QRICH2: variants seen among roughly 807,000 people sequenced by gnomAD.
QRICH2 encodes glutamine rich 2.
A neutral mutation model predicts 168.3 loss-of-function variants in QRICH2; 119 were observed. The observed-to-expected ratio is 0.71, with a 90% CI of 0.61 to 0.82. The LOEUF is 0.82. Among genes scored for constraint, QRICH2 ranks in the 40% least tolerant of loss-of-function variants. The pLI, the probability that QRICH2 is intolerant of heterozygous loss-of-function variation, is 0.00. For synonymous variants in QRICH2, 894 were observed against 951.2 expected (o/e 0.94, Z 1.11); for missense variants, 2,241 against 2,491.6 (o/e 0.90, Z 2.14).
In QRICH2 at chr17:76,291,411, G is replaced by A; in HGVS notation, c.3316C>T (p.His1106Tyr). Residue 1106 changes from histidine (H) to tyrosine (Y), a missense_variant, in exon 4 of 19, where the codon CAT becomes TAT. Physicochemically the swap from His to Tyr is moderately conservative, Grantham distance 83. This residue lies in a region of QRICH2 where 2,047 missense variants were observed against 2,303.8 expected (regional missense o/e 0.89). Transcript: ENST00000680821. ...CGATAACCAGGATACATTGAATCAT[G>A]ACTGTCAAAGAGAGAGAAAGCATGG... ...HGHAFSLFDS[H>Y]DSMYPGYRGP... 1 of 1,614,070 alleles carries A rather than the reference G, an allele frequency of 6.2e-7. No homozygotes were observed. The highest frequency in any genetic ancestry group is 1.1e-5 in the South Asian group (1 of 91,078).
At chr17:76,310,931 A>G (rs2071064679), upstream of QRICH2, 1 of 152,170 alleles carries the variant, frequency 6.6e-6, no homozygotes, top group Non-Finnish European at 1.5e-5. Context: ...AAAGACTAGC[A>G]AGACAACAAA....
Position 76,276,761 on chromosome 17 carries a change from C to T in QRICH2, c.5272G>A (p.Glu1758Lys). 6.2e-7 allele frequency: 1 copy of T among 1,611,740 alleles called. No homozygotes were observed. Among genetic ancestry groups the T allele is most frequent in the East Asian group, 2.2e-5 (1 of 44,886 alleles). ...EEIQIAMKHDEVDILGLDGHI... is the reference protein window; with the variant it reads ...EEIQIAMKHDKVDILGLDGHI... ...CCATCCAGGCCCAAGATGTCCACCT[C>T]ATCATGCTGTAGAAGTGAACAGATA... The change falls in exon 17 of 19, where the codon GAG becomes AAG. Residue 1758 changes from glutamate to lysine, a missense_variant. Coordinates refer to ENST00000680821, the MANE Select transcript of QRICH2 (RefSeq NM_001388453.1).
chr17:76,282,444 G>A (rs1040859167), intron 7 of QRICH2, among the ~76,000 whole-genome samples: 50 of 152,176 alleles, frequency 3.3e-4, no homozygotes, highest in African/African-American at 1.2e-3. Flanking sequence ...CCAGTTAGCC[G>A]GGCCATAAAC....
Position 76,290,079 on chromosome 17 carries a change from T to C in QRICH2, c.3713-2A>G. The C allele has an allele frequency of 3.7e-6, 6 of 1,610,024 alleles. No individual in the cohort carries two copies. Among genetic ancestry groups the C allele is most frequent in the Non-Finnish European group, 4.2e-6 (5 of 1,177,120 alleles). ...GTTCAGGAGGTATGGTCCTTTTGACTATGGAAAGCAGAAGCCTTATGATCA... is the reference window on the plus strand; with the variant it reads ...GTTCAGGAGGTATGGTCCTTTTGACCATGGAAAGCAGAAGCCTTATGATCA... On this transcript the variant is annotated splice_acceptor_variant, in intron 4 of 18. Coordinates refer to ENST00000680821, the MANE Select transcript of QRICH2 (RefSeq NM_001388453.1). LOFTEE classifies it high-confidence loss of function.
Position 76,281,052 on chromosome 17 carries a change from C to A in QRICH2, c.4264-99G>T. 6.7e-7 allele frequency: 1 copy of A among 1,486,888 alleles called. No individual in the cohort carries two copies. Among genetic ancestry groups the A allele is most frequent in the Non-Finnish European group, 9.0e-7 (1 of 1,113,266 alleles). 92.1% of individuals were successfully genotyped at this position (1,486,888 alleles called of 1,614,324 possible). A position where few individuals can be genotyped will look rare whatever the true frequency, so the allele number is the denominator to read the frequency against. On this transcript the variant is annotated intron_variant, in intron 8 of 18. Coordinates refer to ENST00000680821, the MANE Select transcript of QRICH2 (RefSeq NM_001388453.1). This position sits in a 1 kb window ranked among gnomAD's most constrained non-coding sequence, Gnocchi z 4.4. Reference sequence around the variant, plus strand: ...GCCCCAGGTAAGTTGGCCCTTAAAACATCTGCAAGGCTGGGAGCGGTGGCT... The same window carrying A: ...GCCCCAGGTAAGTTGGCCCTTAAAAAATCTGCAAGGCTGGGAGCGGTGGCT...
chr17:76,310,569 A>G (rs764908099), upstream of QRICH2: 2 of 151,318 alleles, frequency 1.3e-5, no homozygotes, highest in Non-Finnish European at 2.9e-5. Context: ...TGGCTCAGGC[A>G]ATCCTCCCAC....
At chr17:76,309,276 A>C (rs994783694), upstream of QRICH2, among the ~76,000 whole-genome samples, 55 of 150,570 alleles carry the variant, frequency 3.7e-4, 1 homozygote, top group African/African-American at 1.0e-3. Flanking sequence ...GAATCGCGTC[A>C]ACCCGGGAGG....
Position 76,293,611 on chromosome 17 carries a change from C to T in QRICH2, c.1116G>A (p.Gln372=). 1 of 1,614,196 alleles carries T rather than the reference C, an allele frequency of 6.2e-7. No individual in the cohort carries two copies. Among genetic ancestry groups the T allele is most frequent in the East Asian group, 2.2e-5 (1 of 44,888 alleles). ...TCTGGCTAGCGGGCACACTACTGGG[C>T]TGGTCTCTGGCCAAGGGTAAGTCCT... The part of the protein sequence containing the change: ...VQQDLPLARD[Q]PSSVPASQSQ... Residue 372 remains glutamine, a synonymous_variant, in exon 4 of 19, where the codon CAG becomes CAA. Coordinates refer to ENST00000680821, the MANE Select transcript of QRICH2 (RefSeq NM_001388453.1).
intron 1 of QRICH2, among the ~76,000 whole-genome samples, chr17:76,306,880 CCTT>C (rs1438578546): frequency 2.0e-5 from 3 of 151,206 alleles, no homozygotes; most frequent in South Asian, 2.1e-4. Flanking sequence ...GAGTGAGACT[CCTT>C]CTCAAAAAAA....
intron 14 of QRICH2, 92 bp downstream of exon 14, chr17:76,278,949 T>C (rs182972): frequency 0.46 from 476,717 of 1,031,080 alleles, 117,447 homozygotes; most frequent in African/African-American, 0.8. Flanking sequence ...CACGTTCCGC[T>C]GGGCCCTCCG....
At position 76,293,100 on chromosome 17, in the gene QRICH2, T is replaced by C. The variant is rs761046197; in HGVS notation, c.1627A>G (p.Ile543Val). ...HGLVSPGLMP[I>V]SADQQGFVQP... ...ACAAAACCTTGCTGATCTGCACTAA[T>C]TGGCATCAAACCAGGTGATACCAAA... is the stretch of plus-strand genomic sequence containing the variant. The change falls in exon 4 of 19, where the codon ATT becomes GTT. Residue 543 changes from isoleucine (I) to valine (V), a missense_variant. This residue lies in a region of QRICH2 where 2,047 missense variants were observed against 2,303.8 expected (regional missense o/e 0.89). Transcript: ENST00000680821. 11 of 1,614,132 alleles carry C rather than the reference T, an allele frequency of 6.8e-6. No homozygotes were observed. Among genetic ancestry groups the C allele is most frequent in the African/African-American group, 2.7e-5 (2 of 74,944 alleles).
At position 76,293,830 on chromosome 17, in the gene QRICH2, G is replaced by T. The variant is rs1403026091; in HGVS notation, c.897C>A (p.Ser299=). 1 of 1,613,902 alleles carries T rather than the reference G, an allele frequency of 6.2e-7. No homozygotes were observed. The highest frequency in any genetic ancestry group is 2.2e-5 in the East Asian group (1 of 44,876). ...GGTAHPSDGV[S]SREQSKVPSG... is the part of the protein sequence containing the mutation. ...AGGGGACCTTGCTTTGTTCCCTACT[G>T]GAAACCCCATCAGAGGGGTGTGCTG... The change falls in exon 4 of 19, where the codon TCC becomes TCA. Residue 299 remains serine (S), a synonymous_variant. Transcript: ENST00000680821.
chr17:76,277,842 A>T, intron 15 of QRICH2, 147 bp downstream of exon 15: 3 of 799,064 alleles, frequency 3.8e-6, no homozygotes, highest in Non-Finnish European at 6.0e-6. Context: ...ACACACTAAC[A>T]CCCCTCGCCC....
At chr17:76,300,606 T>A (rs1025771043) in intron 3 of QRICH2, among the ~76,000 whole-genome samples, 1 of 152,162 alleles carries the variant, frequency 6.6e-6, no homozygotes, top group Non-Finnish European at 1.5e-5. Flanking sequence ...TTATGGAAAT[T>A]GTGCGGTGTG....
chr17:76,275,987 C>T (rs138950766), intron 17 of QRICH2, 40 bp from the exon 18 acceptor site: 18,274 of 1,593,488 alleles, frequency 0.011, 159 homozygotes, highest in Middle Eastern at 0.017. Context: ...GCTGAGGCAG[C>T]GGTGAGAGCT....
intron 7 of QRICH2, among the ~76,000 whole-genome samples, chr17:76,283,184 T>C (rs1245290252): frequency 1.3e-5 from 2 of 152,174 alleles, no homozygotes; most frequent in Non-Finnish European, 2.9e-5. Flanking sequence ...GGGCCCCGGA[T>C]GCAGAAGGAC....
At chr17:76,297,434 G>C (rs1354962018) in intron 3 of QRICH2, among the ~76,000 whole-genome samples, 2 of 152,084 alleles carry the variant, frequency 1.3e-5, no homozygotes, top group African/African-American at 4.8e-5. Context: ...TTGAACCCAG[G>C]AGGCGGAGAT....
chr17:76,279,152 G>C lies in QRICH2; in HGVS notation c.4815-10C>G, dbSNP rs778503820. ...GGTCACGGGGATGGCACTGGGCAGG[G>C]ACAGAGGGAGAAGGGGCGGGTCAGA... On this transcript the variant is annotated splice_polypyrimidine_tract_variant and intron_variant, in intron 13 of 18. Transcript: ENST00000680821. The C allele has an allele frequency of 6.2e-7, 1 of 1,603,942 alleles. No individual in the cohort carries two copies. The highest frequency in any genetic ancestry group is 1.1e-5 in the South Asian group (1 of 90,372).
intron 15 of QRICH2, among the ~76,000 whole-genome samples, 150 bp downstream of exon 15, chr17:76,277,835 CACTA>C (rs2070714809): frequency 6.6e-6 from 1 of 152,082 alleles, no homozygotes; most frequent in African/African-American, 2.4e-5. Flanking sequence ...ACATCACACA[CACTA>C]ACACCCCTCG....
Sources: gnomAD v4.1 joint callset for allele counts (sites outside exome capture counted in the v4.1 genomes callset) on GRCh38, gnomAD v4.1.1 for gene constraint, gnomAD v4.1.1 regional missense constraint, Gnocchi (gnomAD v3.1) non-coding constraint, MANE v1.5 for transcripts, NCBI Gene and HGNC (gene_info 2026-07-23, HGNC 2026-07-21) for gene names.